The following DLGAP1 variants were observed in gnomAD, a reference collection of about 807,000 sequenced individuals.
The protein encoded by DLGAP1 is disks large-associated protein 1.
DLGAP1 carries 11 observed loss-of-function variants against 90.8 expected under a neutral mutation model. The observed-to-expected ratio is 0.12, with a 90% CI of 0.08 to 0.20. The LOEUF (loss-of-function observed/expected upper bound fraction) is 0.20. Among genes scored for constraint, DLGAP1 ranks in the 10% least tolerant of loss-of-function variants. The pLI is 1.00. For missense variants in DLGAP1, 1,050 were observed against 1,333.8 expected (o/e 0.79, Z 3.31); for synonymous variants, 558 against 540.7 (o/e 1.03, Z -0.44).
chr18:3,983,391 G>T lies in DLGAP1; in HGVS notation c.-73+21725C>A, dbSNP rs117275208. Reference sequence around the variant, plus strand: ...CCCAAATAAAGCTCATTTGCCTGATGTACTCACTATGTGTCAGTATCTGCT... The same window carrying T: ...CCCAAATAAAGCTCATTTGCCTGATTTACTCACTATGTGTCAGTATCTGCT... On this transcript the variant is annotated intron_variant, in intron 3 of 12. Transcript: ENST00000315677. The T allele has an allele frequency of 6.2e-4, 95 of 152,268 alleles. No homozygotes were observed. In the East Asian group the frequency reaches 0.018, roughly 28 times the overall value. The allele number at this position is 152,268 out of a possible 1,614,324, so 9.4% of individuals were successfully genotyped here.
chr18:3,595,900 C>CT (rs1444223498), intron 7 of DLGAP1, among the ~76,000 whole-genome samples: 3 of 152,168 alleles, frequency 2.0e-5, no homozygotes, highest in Non-Finnish European at 4.4e-5. Context: ...GACCTAGGGA[C>CT]TTTTTTCAAC....
intron 9 of DLGAP1, among the ~76,000 whole-genome samples, chr18:3,538,746 A>G (rs1221707593): frequency 6.6e-6 from 1 of 152,224 alleles, no homozygotes; most frequent in East Asian, 1.9e-4. Context: ...TTAAAGAAGT[A>G]CTAGTCCCTC....
At chr18:4,087,303 T>G (rs1283773818) in intron 2 of DLGAP1, among the ~76,000 whole-genome samples, 2 of 151,928 alleles carry the variant, frequency 1.3e-5, no homozygotes, top group Non-Finnish European at 2.9e-5. Flanking sequence ...CACTGTGACA[T>G]GCTTATGATG....
At chr18:3,642,781 T>C (rs1310768013) in intron 7 of DLGAP1, among the ~76,000 whole-genome samples, 2 of 152,226 alleles carry the variant, frequency 1.3e-5, no homozygotes, top group Non-Finnish European at 1.5e-5. Context: ...CTTGATAAGA[T>C]ACATTCTTTG....
chr18:4,403,645 G>C (rs1163012482), intron 1 of DLGAP1, among the ~76,000 whole-genome samples: 3 of 151,914 alleles, frequency 2.0e-5, no homozygotes, highest in Non-Finnish European at 4.4e-5. Context: ...TCAAAGTCTT[G>C]TTACATTTTA....
chr18:3,694,922 C>CTTTTGGTGT (rs1289448889), intron 7 of DLGAP1, among the ~76,000 whole-genome samples: 17 of 145,320 alleles, frequency 1.2e-4, no homozygotes, highest in Non-Finnish European at 2.4e-4. Flanking sequence ...GTCCCTATTG[C>CTTTTGGTGT]TTTTGGTGTT....
intron 3 of DLGAP1, among the ~76,000 whole-genome samples, chr18:4,003,143 T>C (rs1425281187): frequency 2.0e-5 from 3 of 152,172 alleles, no homozygotes; most frequent in Non-Finnish European, 4.4e-5. Context: ...CGTGGGAACA[T>C]ATTAAAATGA....
chr18:4,006,711 T>A (rs531245975), intron 2 of DLGAP1, among the ~76,000 whole-genome samples: 1 of 151,204 alleles, frequency 6.6e-6, no homozygotes, highest in South Asian at 2.1e-4. Context: ...AGTGGCACGA[T>A]CACAGCTCAC....
rs1281207163 is a variant in DLGAP1, at chr18:4,444,783, A to G, written c.-267+10223T>C. 2.6e-5 allele frequency among the ~76,000 whole-genome samples: 4 copies of G among 152,212 alleles called. No individual in the cohort carries two copies. In the South Asian group the frequency reaches 8.3e-4, roughly 31 times the overall value. On this transcript the variant is annotated intron_variant, in intron 1 of 12. Transcript: ENST00000315677. ...TACAGTATGGTTAATAGCACTTACT[A>G]ATTGCTCACCATGAACCCAACTTTG...
chr18:4,040,917 A>C (rs1598288908), intron 2 of DLGAP1, among the ~76,000 whole-genome samples: 1 of 152,142 alleles, frequency 6.6e-6, no homozygotes, highest in Non-Finnish European at 1.5e-5. Context: ...CTAGTGAGCA[A>C]CCTGCCACAG....
At chr18:3,858,051 C>T (rs891487679) in intron 4 of DLGAP1, among the ~76,000 whole-genome samples, 7 of 152,068 alleles carry the variant, frequency 4.6e-5, no homozygotes, top group South Asian at 2.1e-4. Context: ...GAACATTTGC[C>T]TACGGGATAT....
At chr18:3,891,335 C>A (rs908371366) in intron 3 of DLGAP1, among the ~76,000 whole-genome samples, 5 of 152,128 alleles carry the variant, frequency 3.3e-5, no homozygotes, top group Non-Finnish European at 7.4e-5. Flanking sequence ...TCACTGTGGA[C>A]AATATACATC....
At chr18:3,817,424 G>A (rs1462101348) in intron 4 of DLGAP1, among the ~76,000 whole-genome samples, 2 of 152,162 alleles carry the variant, frequency 1.3e-5, no homozygotes, top group Non-Finnish European at 2.9e-5. Flanking sequence ...TTATGTGGAA[G>A]TGACTTCCAT....
chr18:3,625,772 C>T (rs549986295), intron 7 of DLGAP1, among the ~76,000 whole-genome samples: 2 of 152,264 alleles, frequency 1.3e-5, no homozygotes, highest in East Asian at 3.9e-4. Flanking sequence ...TTCATCTTAA[C>T]ACAATGCAAC....
chr18:3,622,514 G>A (rs905990642), intron 7 of DLGAP1, among the ~76,000 whole-genome samples: 2 of 152,168 alleles, frequency 1.3e-5, no homozygotes, highest in African/African-American at 4.8e-5. Context: ...AGGAGGGAGA[G>A]TCCAGAATTC....
At chr18:3,848,118 G>T (rs1369874746) in intron 4 of DLGAP1, among the ~76,000 whole-genome samples, 1 of 85,938 alleles carries the variant, frequency 1.2e-5, no homozygotes, top group Admixed American at 1.9e-4. Context: ...ATGGAGCAAG[G>T]CCCCGTCTCA....
chr18:3,613,890 G>A (rs1483461064), intron 7 of DLGAP1, among the ~76,000 whole-genome samples: 1 of 151,998 alleles, frequency 6.6e-6, no homozygotes, highest in Non-Finnish European at 1.5e-5. Context: ...CAGATGCTAG[G>A]CAAAGAAGCC....
rs143721587 is a variant in DLGAP1, at chr18:4,052,368, C to T, written c.-158-47167G>A. Among the ~76,000 whole-genome samples the T allele has an allele frequency of 5.9e-3, 900 of 152,192 alleles. 5 individuals carry two copies. The highest frequency in any genetic ancestry group is 9.4e-3 in the African/African-American group (389 of 41,540). The stretch of plus-strand genomic sequence containing the variant: ...CCCAAACTTCAAGTTTTGTCTTCTG[C>T]GCACCCACAGGACCAACACTATGTG... On this transcript the variant is annotated intron_variant, in intron 2 of 12. Coordinates refer to ENST00000315677, the MANE Select transcript of DLGAP1 (RefSeq NM_004746.4).
chr18:4,253,958 T>C (rs896515182), intron 1 of DLGAP1, among the ~76,000 whole-genome samples: 3 of 152,182 alleles, frequency 2.0e-5, no homozygotes, highest in Non-Finnish European at 4.4e-5. Context: ...GCCACCTTCA[T>C]GTCAGTCCCT....
Sources: gnomAD v4.1 joint callset for allele counts (sites outside exome capture counted in the v4.1 genomes callset) on GRCh38, gnomAD v4.1.1 for gene constraint, MANE v1.5 for transcripts, NCBI Gene and HGNC (gene_info 2026-07-23, HGNC 2026-07-21) for gene names.